Variants in ARHGEF7 observed in about 807,000 individuals in gnomAD.
The protein encoded by ARHGEF7 is Rho guanine nucleotide exchange factor 7.
In ARHGEF7, 33 loss-of-function variants were observed where a neutral mutation model predicts 109.8. The observed-to-expected ratio is 0.30, with a 90% CI of 0.23 to 0.40. The LOEUF is 0.40. Ranked by LOEUF, ARHGEF7 falls within the 10% of genes least tolerant of loss-of-function variation. ARHGEF7 has a pLI of 1.00. For synonymous variants in ARHGEF7, 458 were observed against 424.6 expected (o/e 1.08, Z -0.97); for missense variants, 938 against 1,098.5 (o/e 0.85, Z 2.07).
chr13:111,229,259 C>T (rs576932954), intron 5 of ARHGEF7, among the ~76,000 whole-genome samples: 9 of 152,150 alleles, frequency 5.9e-5, no homozygotes, highest in Non-Finnish European at 1.0e-4. Context: ...TCCTGAATAT[C>T]TTACTAGATG....
At chr13:111,168,969 A>G (rs2077356721) in intron 2 of ARHGEF7, among the ~76,000 whole-genome samples, 1 of 152,212 alleles carries the variant, frequency 6.6e-6, no homozygotes, top group Non-Finnish European at 1.5e-5. Context: ...CAGTATTCAC[A>G]ATTTGAAGCA....
At chr13:111,241,069 G>A (rs1368164722) in intron 6 of ARHGEF7, 2 of 1,397,210 alleles carry the variant, frequency 1.4e-6, no homozygotes, top group Non-Finnish European at 1.9e-6. Flanking sequence ...TCTGAGGCGG[G>A]CAGCATAGGG....
chr13:111,235,331 T>A (rs2086652919), intron 6 of ARHGEF7, among the ~76,000 whole-genome samples: 1 of 152,214 alleles, frequency 6.6e-6, no homozygotes, highest in Non-Finnish European at 1.5e-5. Context: ...TTTCTTTGCA[T>A]TATATATTCT....
intron 6 of ARHGEF7, chr13:111,241,087 G>A: frequency 6.8e-7 from 1 of 1,465,444 alleles, no homozygotes; most frequent in Non-Finnish European, 9.0e-7. Context: ...GGGATTGAGT[G>A]GCACCAGTGT....
In ARHGEF7 at chr13:111,283,369, G is replaced by T; in HGVS notation, c.1950+6G>T. The T allele has an allele frequency of 1.9e-6, 3 of 1,540,964 alleles. No homozygotes were observed. Among genetic ancestry groups the T allele is most frequent in the Non-Finnish European group, 1.7e-6 (2 of 1,147,388 alleles). On this transcript the variant is annotated splice_donor_region_variant and intron_variant, in intron 16 of 21. Transcript: ENST00000646102. The stretch of plus-strand genomic sequence containing the variant: ...CTGCTCTCTGCTACAAGGAGGTGAG[G>T]TCCCTTGACCACTCAAACAGCCAGA...
intron 2 of ARHGEF7, among the ~76,000 whole-genome samples, chr13:111,183,314 C>G (rs2078943584): frequency 6.7e-6 from 1 of 150,094 alleles, no homozygotes; most frequent in Non-Finnish European, 1.5e-5. Flanking sequence ...CTATAGCATT[C>G]TATAGCATTT....
chr13:111,286,170 C>G lies in ARHGEF7; in HGVS notation c.1974C>G (p.Thr658=), dbSNP rs769864605. The G allele has an allele frequency of 6.2e-7, 1 of 1,613,734 alleles. No individual in the cohort carries two copies. The highest frequency in any genetic ancestry group is 8.5e-7 in the Non-Finnish European group (1 of 1,179,910). ...YKEDLSKSPK[T]MKKLLPKRKP... is the part of the protein sequence containing the mutation. Reference sequence around the variant, plus strand: ...AGGATCTTAGTAAGAGCCCTAAGACCATGAAAAAGCTGCTGCCCAAGCGCA... The same window carrying G: ...AGGATCTTAGTAAGAGCCCTAAGACGATGAAAAAGCTGCTGCCCAAGCGCA... The change falls in exon 17 of 22, where the codon ACC becomes ACG. Residue 658 remains threonine (T), a synonymous_variant. Transcript: ENST00000646102.
chr13:111,133,812 T>TAAAA lies in ARHGEF7; in HGVS notation c.165+18122_165+18123insAAAA, dbSNP rs774568302. The stretch of plus-strand genomic sequence containing the variant: ...ATATATATATATATATATATATATA[T>TAAAA]ATTTATTATACTTTAAGTTCTAGGT... On this transcript the variant is annotated intron_variant, in intron 1 of 21. Coordinates refer to ENST00000646102, the MANE Select transcript of ARHGEF7 (RefSeq NM_001354046.2). 5.3e-4 allele frequency among the ~76,000 whole-genome samples: 33 copies of TAAAA among 62,544 alleles called. 2 individuals are homozygous for TAAAA. Among genetic ancestry groups the TAAAA allele is most frequent in the Admixed American group, 1.5e-3 (8 of 5,498 alleles). 41.0% of individuals were successfully genotyped at this position (62,544 alleles called of 152,430 possible). A position where few individuals can be genotyped will look rare whatever the true frequency, so the allele number is the denominator to read the frequency against.
intron 2 of ARHGEF7, among the ~76,000 whole-genome samples, chr13:111,190,524 G>A (rs563324244): frequency 7.2e-5 from 11 of 152,270 alleles, no homozygotes; most frequent in Admixed American, 2.0e-4. Context: ...GATAGATTTC[G>A]TTATTTCTTG....
intron 6 of ARHGEF7, among the ~76,000 whole-genome samples, chr13:111,235,337 A>T (rs1280653661): frequency 6.6e-6 from 1 of 152,204 alleles, no homozygotes; most frequent in Non-Finnish European, 1.5e-5. Context: ...TGCATTATAT[A>T]TTCTGTAATA....
At chr13:111,199,571 C>T (rs769415017) in intron 2 of ARHGEF7, among the ~76,000 whole-genome samples, 5 of 152,320 alleles carry the variant, frequency 3.3e-5, no homozygotes, top group Non-Finnish European at 7.3e-5. Context: ...CCCCATCTTC[C>T]TCATGTCCAA....
chr13:111,297,739 C>T (rs79960013), intron 19 of ARHGEF7, among the ~76,000 whole-genome samples: 3,665 of 152,298 alleles, frequency 0.024, 148 homozygotes, highest in African/African-American at 0.084. Flanking sequence ...TCACAACTCC[C>T]GTACGGAAGT....
chr13:111,227,376 C>A (rs2085351953), intron 5 of ARHGEF7, among the ~76,000 whole-genome samples: 1 of 152,200 alleles, frequency 6.6e-6, no homozygotes. Context: ...CAAGAAGTGT[C>A]CATAGCCACC....
intron 8 of ARHGEF7, among the ~76,000 whole-genome samples, chr13:111,261,097 A>G (rs1215003042): frequency 6.6e-6 from 1 of 152,210 alleles, no homozygotes; most frequent in Non-Finnish European, 1.5e-5. Context: ...CAAAACAAGA[A>G]AACAAATGAC....
intron 2 of ARHGEF7, among the ~76,000 whole-genome samples, chr13:111,180,253 C>T (rs1302551187): frequency 2.6e-5 from 4 of 152,180 alleles, no homozygotes; most frequent in African/African-American, 9.7e-5. Context: ...TGAACTTAGT[C>T]ATTTACTTCT....
Position 111,115,580 on chromosome 13 carries a change from G to T in ARHGEF7, c.54G>T (p.Glu18Asp), listed in dbSNP as rs148401402. 4.2e-6 allele frequency: 6 copies of T among 1,427,498 alleles called. No homozygotes were observed. Among genetic ancestry groups the T allele is most frequent in the Non-Finnish European group, 5.6e-6 (6 of 1,074,328 alleles). 88.4% of individuals were successfully genotyped at this position (1,427,498 alleles called of 1,614,324 possible). A position where few individuals can be genotyped will look rare whatever the true frequency, so the allele number is the denominator to read the frequency against. The change falls in exon 1 of 22, where the codon GAG becomes GAT. Residue 18 changes from glutamate to aspartate, a missense_variant. Glu to Asp is a conservative substitution (Grantham distance 45). This residue lies in a region of ARHGEF7 where 165 missense variants were observed against 125.8 expected (regional missense o/e 1.31). Transcript: ENST00000646102. ...VTWLITLGVL[E>D]SPKKTISDPE... The stretch of plus-strand genomic sequence containing the variant: ...GGCTCATCACTCTGGGGGTGCTGGA[G>T]TCGCCCAAAAAAACCATCTCGGACC...
rs187434650 is a variant in ARHGEF7 at position 111,161,096 on chromosome 13, A to G, written c.252+7105A>G. On this transcript the variant is annotated intron_variant, in intron 2 of 21. Coordinates refer to ENST00000646102, the MANE Select transcript of ARHGEF7 (RefSeq NM_001354046.2). Reference sequence around the variant, plus strand: ...CAGGATTTGAGATGCTCAACTGATAACTATAATGAAAATATCCCTAAATCT... The same window carrying G: ...CAGGATTTGAGATGCTCAACTGATAGCTATAATGAAAATATCCCTAAATCT... Among the ~76,000 whole-genome samples the G allele has an allele frequency of 2.7e-5, 4 of 147,536 alleles. No homozygotes were observed. The East Asian group carries it at 5.8e-4, about 21-fold the overall frequency.
intron 17 of ARHGEF7, among the ~76,000 whole-genome samples, chr13:111,287,065 C>T (rs1361925319): frequency 6.6e-6 from 1 of 152,250 alleles, no homozygotes; most frequent in East Asian, 1.9e-4. Context: ...TGTGCCATGC[C>T]ACTGCTGGCC....
At chr13:111,230,838 C>T (rs766170272) in intron 5 of ARHGEF7, among the ~76,000 whole-genome samples, 4 of 152,198 alleles carry the variant, frequency 2.6e-5, no homozygotes, top group Non-Finnish European at 5.9e-5. Flanking sequence ...GAAAAGGCAA[C>T]CTGCCTGGAC....
Sources: allele counts gnomAD v4.1 joint callset (sites outside exome capture counted in the v4.1 genomes callset), GRCh38; gene constraint gnomAD v4.1.1; regional missense constraint gnomAD v4.1.1; transcripts MANE v1.5; gene names NCBI Gene and HGNC (gene_info 2026-07-23, HGNC 2026-07-21).